KIF1A: variants seen among roughly 807,000 people sequenced by gnomAD.
KIF1A encodes kinesin-like protein KIF1A.
KIF1A carries 46 observed loss-of-function variants against 227.3 expected under a neutral mutation model. The observed-to-expected ratio is 0.20, with a 90% CI of 0.16 to 0.26. The LOEUF (loss-of-function observed/expected upper bound fraction) is 0.26, where lower values mean the gene tolerates loss of function less well. Ranked by LOEUF, KIF1A falls within the 10% of genes least tolerant of loss-of-function variation. KIF1A has a pLI of 1.00. For synonymous variants in KIF1A, 1,022 were observed against 1,012.8 expected (o/e 1.01, Z -0.17); for missense variants, 1,683 against 2,485.9 (o/e 0.68, Z 6.87).
chr2:240,754,469 G>A (rs1232405455), intron 27 of KIF1A, among the ~76,000 whole-genome samples: 1 of 152,226 alleles, frequency 6.6e-6, no homozygotes, highest in Non-Finnish European at 1.5e-5. Context: ...CCAGCCTCAA[G>A]AGAGCTGTGA....
chr2:240,756,863 C>A (rs1034051577), intron 27 of KIF1A, among the ~76,000 whole-genome samples: 1 of 152,222 alleles, frequency 6.6e-6, no homozygotes, highest in Non-Finnish European at 1.5e-5. Flanking sequence ...AGTGTTGATT[C>A]CCAGGAGAAT....
rs1290449676 is a variant in KIF1A at position 240,740,245 on chromosome 2, T to G, written c.3816+53A>C. The G allele has an allele frequency of 3.0e-5, 45 of 1,495,632 alleles. 1 individual carries two copies. The South Asian group carries it at 3.3e-4, about 11-fold the overall frequency. The allele number at this position is 1,495,632 out of a possible 1,614,324, so 92.6% of individuals were successfully genotyped here. ...GTAGGGGCAGGGAGAGGCTCACACC[T>G]GGTGGGGTGGGGGAGGGGACACAGG... is the stretch of plus-strand genomic sequence containing the variant. On this transcript the variant is annotated intron_variant, in intron 36 of 48. Transcript: ENST00000498729. This position sits in a 1 kb window ranked among gnomAD's most constrained non-coding sequence, Gnocchi z 6.1.
intron 22 of KIF1A, 73 bp downstream of exon 22, chr2:240,762,945 TG>T (rs2125903767): frequency 1.0e-6 from 1 of 979,016 alleles, no homozygotes; most frequent in Non-Finnish European, 1.3e-6. Flanking sequence ...CAGGGAGGAG[TG>T]GGGGCGTGGG....
intron 1 of KIF1A, among the ~76,000 whole-genome samples, chr2:240,816,365 G>GTGT (rs1231083752): frequency 6.6e-6 from 1 of 152,040 alleles, no homozygotes; most frequent in East Asian, 1.9e-4. Flanking sequence ...GTGTGTGTAT[G>GTGT]TGTATATGCA....
rs1262663224 is a variant in KIF1A at position 240,784,983 on chromosome 2, A to G, written c.720+6T>C. 6.2e-7 allele frequency: 1 copy of G among 1,609,380 alleles called. No homozygotes were observed. The highest frequency in any genetic ancestry group is 8.5e-7 in the Non-Finnish European group (1 of 1,176,366). On this transcript the variant is annotated splice_donor_region_variant and intron_variant, in intron 7 of 48. Coordinates refer to ENST00000498729, the MANE Select transcript of KIF1A (RefSeq NM_001244008.2). ...GGTGGCACCGCCTGTGAGGCCACTC[A>G]CTCACCTTCTCCGTGGTGATATTGG...
intron 11 of KIF1A, among the ~76,000 whole-genome samples, chr2:240,774,947 A>T (rs922615545): frequency 6.6e-6 from 1 of 152,134 alleles, no homozygotes; most frequent in Non-Finnish European, 1.5e-5. Flanking sequence ...CCCCATAGGG[A>T]CTGAAGAGAC....
At chr2:240,733,897 C>T (rs935446007) in intron 38 of KIF1A, among the ~76,000 whole-genome samples, 9 of 152,224 alleles carry the variant, frequency 5.9e-5, no homozygotes, top group Non-Finnish European at 7.3e-5. Flanking sequence ...CCATTCGGAA[C>T]GGACTCGAGT....
intron 6 of KIF1A, 50 bp from the exon 7 acceptor site, chr2:240,785,150 G>T: frequency 6.8e-7 from 1 of 1,480,030 alleles, no homozygotes; most frequent in Non-Finnish European, 9.4e-7. Flanking sequence ...GTGGCCGGGT[G>T]CGAGATCGCC....
chr2:240,729,375 A>G (rs1398658235), intron 38 of KIF1A, among the ~76,000 whole-genome samples: 2 of 152,094 alleles, frequency 1.3e-5, no homozygotes, highest in Non-Finnish European at 2.9e-5. Flanking sequence ...CAGAACCAGC[A>G]GGTCTTTCCC....
intron 14 of KIF1A, 33 bp from the exon 15 acceptor site, chr2:240,771,137 G>T (rs372553814): frequency 1.1e-4 from 185 of 1,612,934 alleles, no homozygotes; most frequent in Non-Finnish European, 1.2e-4. Flanking sequence ...TTCATTCACC[G>T]TCCCGCCACG....
rs943163743 is a variant in KIF1A, at chr2:240,737,551, A to AAGGG, written c.3902-387_3902-384dup. ...CAAAAAGTCATGATAATAACAAGGAAAGGGAGGGAGGGAGGGAGGGAGGAA... is the reference window on the plus strand; with the variant it reads ...CAAAAAGTCATGATAATAACAAGGAAAGGGAGGGAGGGAGGGAGGGAGGGAGGAA... On this transcript the variant is annotated intron_variant, in intron 37 of 48. Transcript: ENST00000498729. 1.7e-4 allele frequency: 23 copies of AAGGG among 135,976 alleles called. 1 individual carries two copies. Among genetic ancestry groups the AAGGG allele is most frequent in the South Asian group, 8.3e-4 (3 of 3,594 alleles). 8.4% of individuals were successfully genotyped at this position (135,976 alleles called of 1,614,324 possible). A position where few individuals can be genotyped will look rare whatever the true frequency, so the allele number is the denominator to read the frequency against.
At chr2:240,745,587 A>C (rs2048498258) in intron 31 of KIF1A, 70 bp from the exon 32 acceptor site, 2 of 1,491,518 alleles carry the variant, frequency 1.3e-6, no homozygotes, top group Admixed American at 1.9e-5. Context: ...GGTGGAACCC[A>C]CCTCACACGA....
intron 6 of KIF1A, among the ~76,000 whole-genome samples, chr2:240,786,039 C>T (rs1197605345): frequency 6.6e-6 from 1 of 152,172 alleles, no homozygotes; most frequent in Non-Finnish European, 1.5e-5. Flanking sequence ...AGCAGCTGCC[C>T]CATCGAAGCA....
intron 38 of KIF1A, among the ~76,000 whole-genome samples, chr2:240,727,171 C>T (rs559142051): frequency 6.6e-6 from 1 of 152,312 alleles, no homozygotes; most frequent in South Asian, 2.1e-4. Flanking sequence ...CCAGCATTTT[C>T]CCAGCTCCAC....
intron 20 of KIF1A, among the ~76,000 whole-genome samples, chr2:240,764,964 T>C (rs11690282): frequency 0.21 from 32,038 of 152,142 alleles, 3,494 homozygotes; most frequent in Middle Eastern, 0.34. Context: ...CACCTGCCCA[T>C]GGATTTCAAA....
chr2:240,818,912 G>C (rs1456557268), intron 1 of KIF1A: 1 of 152,326 alleles, frequency 6.6e-6, no homozygotes, highest in African/African-American at 2.4e-5. Flanking sequence ...GCACCCCTTG[G>C]AAAGGGCTGA....
chr2:240,756,452 C>T (rs558026845), intron 27 of KIF1A, among the ~76,000 whole-genome samples: 168 of 152,330 alleles, frequency 1.1e-3, no homozygotes, highest in Non-Finnish European at 2.0e-3. Flanking sequence ...CAGGGTGGGA[C>T]GTCTGCTCCC....
At chr2:240,797,470 C>G (rs1047984975) in intron 2 of KIF1A, among the ~76,000 whole-genome samples, 177 bp downstream of exon 2, 3 of 152,206 alleles carry the variant, frequency 2.0e-5, no homozygotes, top group Non-Finnish European at 4.4e-5. Context: ...TTCTTATAAG[C>G]CCACCACCGT....
In KIF1A at chr2:240,789,098, G is replaced by A. The variant is rs1460676007; in HGVS notation, c.183+138C>T. Reference sequence around the variant, plus strand: ...GCCTTCGCTGAGGACCGCTCAGGGTGACCTTCCAGGGGAGCAGGGTGGGGT... The same window carrying A: ...GCCTTCGCTGAGGACCGCTCAGGGTAACCTTCCAGGGGAGCAGGGTGGGGT... On this transcript the variant is annotated intron_variant, in intron 3 of 48. Coordinates refer to ENST00000498729, the MANE Select transcript of KIF1A (RefSeq NM_001244008.2). The surrounding 1 kb of genome is among the most constrained non-coding windows in gnomAD (Gnocchi z 4.8). 3 of 682,628 alleles carry A rather than the reference G, an allele frequency of 4.4e-6. No homozygotes were observed. Among genetic ancestry groups the A allele is most frequent in the African/African-American group, 3.6e-5 (2 of 56,264 alleles). The allele number at this position is 682,628 out of a possible 1,614,324, so 42.3% of individuals were successfully genotyped here.
Sources: allele counts gnomAD v4.1 joint callset (sites outside exome capture counted in the v4.1 genomes callset), GRCh38; gene constraint gnomAD v4.1.1; non-coding constraint Gnocchi (gnomAD v3.1); transcripts MANE v1.5; gene names NCBI Gene and HGNC (gene_info 2026-07-23, HGNC 2026-07-21).